Variants in PERCC1 observed in about 807,000 individuals in gnomAD.
PERCC1 encodes protein PERCC1.
chr16:1,431,560 C>A (rs955934768), intron 1 of PERCC1, among the ~76,000 whole-genome samples: 2 of 151,868 alleles, frequency 1.3e-5, no homozygotes, highest in African/African-American at 4.8e-5. Context: ...CCCCTCCCTC[C>A]CTGAAGCCCT....
chr16:1,434,423 C>T lies in PERCC1; in HGVS notation c.*1026C>T, dbSNP rs113626096. On this transcript the variant is annotated 3_prime_UTR_variant, in exon 2 of 2. Coordinates refer to ENST00000640283, the MANE Select transcript of PERCC1 (RefSeq NM_001365310.2). ...GCCAGCACGTTTATTTCTGGATAAACAGTGAGGGTGTGAGCTGCTGCACCT... is the reference window on the plus strand; with the variant it reads ...GCCAGCACGTTTATTTCTGGATAAATAGTGAGGGTGTGAGCTGCTGCACCT... 5.0e-4 allele frequency: 781 copies of T among 1,550,380 alleles called. 2 individuals are homozygous for T. The African/African-American group carries it at 9.3e-3, about 18-fold the overall frequency.
At chr16:1,431,890 A>G (rs910083819) in intron 1 of PERCC1, among the ~76,000 whole-genome samples, 13 of 151,894 alleles carry the variant, frequency 8.6e-5, no homozygotes, top group African/African-American at 1.2e-4. Flanking sequence ...CATCGTGGAG[A>G]CTTCCTAGTT....
Position 1,433,037 on chromosome 16 carries a change from C to A in PERCC1, c.444C>A (p.Thr148=). 2.5e-6 allele frequency: 1 copy of A among 398,706 alleles called. No homozygotes were observed. 24.7% of individuals were successfully genotyped at this position (398,706 alleles called of 1,614,324 possible). Residue 148 remains threonine, a synonymous_variant, in exon 2 of 2, where the codon ACC becomes ACA. Transcript: ENST00000640283. The part of the protein sequence containing the change: ...ARGGSLEDED[T]PEPRVPQGQV... ...GCGGGTCCCTGGAGGACGAGGACAC[C>A]CCGGAGCCCAGGGTACCCCAAGGGC...
chr16:1,433,869 C>A lies in PERCC1; in HGVS notation c.*472C>A, dbSNP rs2038472541. Among the ~76,000 whole-genome samples, 1 of 152,242 alleles carries A rather than the reference C, an allele frequency of 6.6e-6. No individual in the cohort carries two copies. Among genetic ancestry groups the A allele is most frequent in the Admixed American group, 6.5e-5 (1 of 15,288 alleles). On this transcript the variant is annotated 3_prime_UTR_variant, in exon 2 of 2. Coordinates refer to ENST00000640283, the MANE Select transcript of PERCC1 (RefSeq NM_001365310.2). ...CGGCAGCAGACGGCAGGGCCGGCGA[C>A]CGCGGGATGAGCGAGGGCTTTCTTG...
At position 1,434,025 on chromosome 16, in the gene PERCC1, C is replaced by T. The variant is rs2038473995; in HGVS notation, c.*628C>T. 6.6e-6 allele frequency among the ~76,000 whole-genome samples: 1 copy of T among 150,766 alleles called. No homozygotes were observed. Among genetic ancestry groups the T allele is most frequent in the South Asian group, 2.1e-4 (1 of 4,748 alleles). The stretch of plus-strand genomic sequence containing the variant: ...GGGCTCTGAGGCAGAGCCAGGGAGC[C>T]CGAGTCCAGGGGGCTTCCCCGGGTC... On this transcript the variant is annotated 3_prime_UTR_variant, in exon 2 of 2. Transcript: ENST00000640283.
intron 1 of PERCC1, among the ~76,000 whole-genome samples, chr16:1,431,825 G>A (rs2038450835): frequency 6.6e-6 from 1 of 152,152 alleles, no homozygotes; most frequent in Non-Finnish European, 1.5e-5. Context: ...CTGGCCAGGT[G>A]CAGTGGCCCC....
Position 1,434,207 on chromosome 16 carries a change from T to C in PERCC1, c.*810T>C, listed in dbSNP as rs1041274361. Reference sequence around the variant, plus strand: ...AAGGAGAGAGGCTGCTAAAGTGCCATGGAAAGCAACAGCCTGAAGCCGGGC... The same window carrying C: ...AAGGAGAGAGGCTGCTAAAGTGCCACGGAAAGCAACAGCCTGAAGCCGGGC... On this transcript the variant is annotated 3_prime_UTR_variant, in exon 2 of 2. Coordinates refer to ENST00000640283, the MANE Select transcript of PERCC1 (RefSeq NM_001365310.2). Among the ~76,000 whole-genome samples, 4 of 152,042 alleles carry C rather than the reference T, an allele frequency of 2.6e-5. No homozygotes were observed. Among genetic ancestry groups the C allele is most frequent in the Admixed American group, 6.5e-5 (1 of 15,280 alleles).
At position 1,432,794 on chromosome 16, in the gene PERCC1, G is replaced by T. The variant is rs1319001007; in HGVS notation, c.201G>T (p.Glu67Asp). 22 of 398,564 alleles carry T rather than the reference G, an allele frequency of 5.5e-5. No individual in the cohort carries two copies. Among genetic ancestry groups the T allele is most frequent in the Non-Finnish European group, 9.3e-5 (21 of 226,046 alleles). The allele number at this position is 398,564 out of a possible 1,614,324, so 24.7% of individuals were successfully genotyped here. Reference protein sequence around the residue: ...GRILPSSGRAEATEEAAPEGP... With the variant: ...GRILPSSGRADATEEAAPEGP... ...TCCTCCCGAGCTCAGGCCGGGCAGA[G>T]GCCACGGAGGAAGCAGCCCCCGAGG... Residue 67 changes from glutamate (E) to aspartate (D), a missense_variant, in exon 2 of 2, where the codon GAG (glutamate) becomes GAT (aspartate). Physicochemically the swap from Glu to Asp is conservative, Grantham distance 45. Coordinates refer to ENST00000640283, the MANE Select transcript of PERCC1 (RefSeq NM_001365310.2).
At chr16:1,432,375 T>C (rs1327739877) in intron 1 of PERCC1, among the ~76,000 whole-genome samples, 172 bp from the exon 2 acceptor site, 3 of 152,180 alleles carry the variant, frequency 2.0e-5, no homozygotes, top group Non-Finnish European at 4.4e-5. Context: ...TCTCTCTCCA[T>C]GCCTCACTCC....
In PERCC1 at chr16:1,433,428, C is replaced by T. The variant is rs1211618211; in HGVS notation, c.*31C>T. The stretch of plus-strand genomic sequence containing the variant: ...CGCCGGGGTCAGAGCTAGCTGGCGG[C>T]AGCAGGGCCACCCCTAAGGCACTGG... On this transcript the variant is annotated 3_prime_UTR_variant, in exon 2 of 2. Transcript: ENST00000640283. The T allele has an allele frequency of 5.0e-6, 2 of 398,548 alleles. No individual in the cohort carries two copies. The highest frequency in any genetic ancestry group is 8.8e-6 in the Non-Finnish European group (2 of 226,116). The allele number at this position is 398,548 out of a possible 1,614,324, so 24.7% of individuals were successfully genotyped here.
At position 1,432,932 on chromosome 16, in the gene PERCC1, C is replaced by T. The variant is rs1264447279; in HGVS notation, c.339C>T (p.Cys113=). 6 of 398,932 alleles carry T rather than the reference C, an allele frequency of 1.5e-5. No homozygotes were observed. Among genetic ancestry groups the T allele is most frequent in the East Asian group, 1.1e-4 (3 of 28,076 alleles). The allele number at this position is 398,932 out of a possible 1,614,324, so 24.7% of individuals were successfully genotyped here. The part of the protein sequence containing the change: ...RKDKGQDPDA[C]DVYADSRPPR... ...ATAAGGGGCAGGACCCAGATGCCTGCGACGTCTACGCCGACAGCCGCCCAC... is the reference window on the plus strand; with the variant it reads ...ATAAGGGGCAGGACCCAGATGCCTGTGACGTCTACGCCGACAGCCGCCCAC... Residue 113 remains cysteine (C), a synonymous_variant, in exon 2 of 2, where the codon TGC becomes TGT. Coordinates refer to ENST00000640283, the MANE Select transcript of PERCC1 (RefSeq NM_001365310.2).
rs1019591957 is a variant in PERCC1, at chr16:1,433,813, C to T, written c.*416C>T. Among the ~76,000 whole-genome samples, 1 of 152,228 alleles carries T rather than the reference C, an allele frequency of 6.6e-6. No homozygotes were observed. Among genetic ancestry groups the T allele is most frequent in the Non-Finnish European group, 1.5e-5 (1 of 68,030 alleles). On this transcript the variant is annotated 3_prime_UTR_variant, in exon 2 of 2. Transcript: ENST00000640283. ...CCACCGAACCCCTAGGACTAAGCGG[C>T]CCGGAACCTGTGGCCCCTCCCCTGA...
At position 1,432,958 on chromosome 16, in the gene PERCC1, C is replaced by A. The variant is rs1348538967; in HGVS notation, c.365C>A (p.Pro122His). ...GACGTCTACGCCGACAGCCGCCCAC[C>A]CCGCAGCACTGCCCGGGAGCTCTAC... ...ACDVYADSRPPRSTARELYYA... is the reference protein window; with the variant it reads ...ACDVYADSRPHRSTARELYYA... The change falls in exon 2 of 2, where the codon CCC (proline) becomes CAC (histidine). Residue 122 changes from proline to histidine, a missense_variant. Transcript: ENST00000640283. 2.5e-6 allele frequency: 1 copy of A among 398,932 alleles called. No individual in the cohort carries two copies. Among genetic ancestry groups the A allele is most frequent in the Middle Eastern group, 6.3e-4 (1 of 1,592 alleles). The allele number at this position is 398,932 out of a possible 1,614,324, so 24.7% of individuals were successfully genotyped here. A position where few individuals can be genotyped will look rare whatever the true frequency, so the allele number is the denominator to read the frequency against.
chr16:1,433,109 A>G lies in PERCC1; in HGVS notation c.516A>G (p.Gly172=), dbSNP rs1359858685. Residue 172 remains glycine (G), a synonymous_variant, in exon 2 of 2, where the codon GGA becomes GGG. Coordinates refer to ENST00000640283, the MANE Select transcript of PERCC1 (RefSeq NM_001365310.2). The part of the protein sequence containing the change: ...GLSGDRAQPL[G]PLAELFDYGL... The stretch of plus-strand genomic sequence containing the variant: ...GCGGGGACAGGGCGCAGCCCCTGGG[A>G]CCCCTGGCCGAGCTCTTCGACTACG... 4 of 398,360 alleles carry G rather than the reference A, an allele frequency of 1.0e-5. No individual in the cohort carries two copies. 24.7% of individuals were successfully genotyped at this position (398,360 alleles called of 1,614,324 possible).
Position 1,433,156 on chromosome 16 carries a change from C to G in PERCC1, c.563C>G (p.Ser188Cys). ...TACGGGCTGCAGCAGTACTGGGGGT[C>G]CAGGGCAGCGGCCGGCTGGAGCCTG... ...FDYGLQQYWGSRAAAGWSLTL... is the reference protein window; with the variant it reads ...FDYGLQQYWGCRAAAGWSLTL... Residue 188 changes from serine (S) to cysteine (C), a missense_variant, in exon 2 of 2, where the codon TCC becomes TGC. Coordinates refer to ENST00000640283, the MANE Select transcript of PERCC1 (RefSeq NM_001365310.2). The G allele has an allele frequency of 2.5e-6, 1 of 398,610 alleles. No homozygotes were observed. Among genetic ancestry groups the G allele is most frequent in the Non-Finnish European group, 4.4e-6 (1 of 226,030 alleles). The allele number at this position is 398,610 out of a possible 1,614,324, so 24.7% of individuals were successfully genotyped here.
Position 1,433,076 on chromosome 16 carries a change from G to A in PERCC1, c.483G>A (p.Pro161=), listed in dbSNP as rs995800643. 2 of 398,466 alleles carry A rather than the reference G, an allele frequency of 5.0e-6. No homozygotes were observed. The highest frequency in any genetic ancestry group is 8.8e-6 in the Non-Finnish European group (2 of 225,994). 24.7% of individuals were successfully genotyped at this position (398,466 alleles called of 1,614,324 possible). A position where few individuals can be genotyped will look rare whatever the true frequency, so the allele number is the denominator to read the frequency against. ...PRVPQGQVCR[P]GLSGDRAQPL... Reference sequence around the variant, plus strand: ...TACCCCAAGGGCAGGTGTGCAGGCCGGGCCTCAGCGGGGACAGGGCGCAGC... The same window carrying A: ...TACCCCAAGGGCAGGTGTGCAGGCCAGGCCTCAGCGGGGACAGGGCGCAGC... Residue 161 remains proline (P), a synonymous_variant, in exon 2 of 2, where the codon CCG becomes CCA. Transcript: ENST00000640283.
chr16:1,434,312 A>G lies in PERCC1; in HGVS notation c.*915A>G. The G allele has an allele frequency of 7.0e-7, 1 of 1,428,354 alleles. No individual in the cohort carries two copies. Among genetic ancestry groups the G allele is most frequent in the Non-Finnish European group, 9.4e-7 (1 of 1,065,918 alleles). 88.5% of individuals were successfully genotyped at this position (1,428,354 alleles called of 1,614,324 possible). On this transcript the variant is annotated 3_prime_UTR_variant, in exon 2 of 2. Transcript: ENST00000640283. ...AGCTTGGGCACCCCCGCTGCCAGGG[A>G]CCTCGCCACCCCGCTCAGCCCCACA...
At position 1,434,357 on chromosome 16, in the gene PERCC1, C is replaced by T; in HGVS notation, c.*960C>T. 1.4e-5 allele frequency: 22 copies of T among 1,538,034 alleles called. No individual in the cohort carries two copies. The highest frequency in any genetic ancestry group is 1.9e-5 in the Non-Finnish European group (22 of 1,139,528). ...CCCACAGGCCCTGGGTAGGCTGTCT[C>T]CCAGCACACATCAGGGAACCTCAGC... On this transcript the variant is annotated 3_prime_UTR_variant, in exon 2 of 2. Coordinates refer to ENST00000640283, the MANE Select transcript of PERCC1 (RefSeq NM_001365310.2).
rs569868704 is a variant in PERCC1, at chr16:1,431,288, G to T, written c.-48+180G>T. 3.3e-5 allele frequency among the ~76,000 whole-genome samples: 5 copies of T among 152,220 alleles called. No individual in the cohort carries two copies. The East Asian group carries it at 9.7e-4, about 29-fold the overall frequency. On this transcript the variant is annotated intron_variant, in intron 1 of 1. Transcript: ENST00000640283. The stretch of plus-strand genomic sequence containing the variant: ...TGGGGCAGACAGGCCGCCATGGGAG[G>T]GCACCTGCATCTGGGCTGTCCGTGA...
Sources: gnomAD v4.1 joint callset for allele counts (sites outside exome capture counted in the v4.1 genomes callset) on GRCh38, gnomAD v4.1.1 for gene constraint, MANE v1.5 for transcripts, NCBI Gene and HGNC (gene_info 2026-07-23, HGNC 2026-07-21) for gene names.